NCKAP5: variants seen among roughly 807,000 people sequenced by gnomAD.
NCKAP5 encodes the protein nck-associated protein 5.
Under a neutral mutation model 167.0 loss-of-function variants are expected in NCKAP5, and 92 were observed. The ratio of observed to expected loss-of-function variants is 0.55; its 90% CI spans 0.47 to 0.66. The LOEUF (loss-of-function observed/expected upper bound fraction) is 0.66. NCKAP5 is among the 30% of genes least tolerant of loss of function. NCKAP5 has a pLI of 0.00. For missense variants in NCKAP5, 2,378 were observed against 2,315.0 expected (o/e 1.03, Z -0.56); for synonymous variants, 891 against 877.4 (o/e 1.02, Z -0.27).
intron 8 of NCKAP5, among the ~76,000 whole-genome samples, chr2:132,933,692 G>A (rs1205738325): frequency 6.6e-6 from 1 of 152,174 alleles, no homozygotes; most frequent in African/African-American, 2.4e-5. Context: ...CAAAATGTAT[G>A]AGTTTCTTTT....
chr2:132,998,794 T>A (rs2077688150), intron 6 of NCKAP5, among the ~76,000 whole-genome samples: 1 of 152,182 alleles, frequency 6.6e-6, no homozygotes, highest in African/African-American at 2.4e-5. Flanking sequence ...CTCCCCAATA[T>A]GATTAAGAAA....
At chr2:133,070,813 A>G (rs75252700) in intron 6 of NCKAP5, among the ~76,000 whole-genome samples, 2,730 of 152,298 alleles carry the variant, frequency 0.018, 161 homozygotes, top group East Asian at 0.12. Context: ...TATATACATG[A>G]GATATACATA....
intron 4 of NCKAP5, among the ~76,000 whole-genome samples, chr2:133,273,193 C>T (rs1383078309): frequency 6.6e-6 from 1 of 152,114 alleles, no homozygotes; most frequent in Admixed American, 6.5e-5. Context: ...CTAATGTCTC[C>T]ACAGCCTCTC....
At chr2:133,300,600 A>C (rs1432649468) in intron 4 of NCKAP5, among the ~76,000 whole-genome samples, 1 of 139,524 alleles carries the variant, frequency 7.2e-6, no homozygotes, top group African/African-American at 2.8e-5. Flanking sequence ...AAAAACTCTC[A>C]ATTAATTAGG....
At chr2:133,085,908 A>G (rs1324025237) in intron 6 of NCKAP5, among the ~76,000 whole-genome samples, 1 of 152,200 alleles carries the variant, frequency 6.6e-6, no homozygotes, top group Non-Finnish European at 1.5e-5. Flanking sequence ...AGTCCATTAC[A>G]TTGGTAATAA....
At chr2:133,666,755 T>C in the NCKAP5 span, among the ~76,000 whole-genome samples, 34 of 152,078 alleles carry the variant, frequency 2.2e-4, no homozygotes, top group Middle Eastern at 3.4e-3. Context: ...CATCAATTGG[T>C]AAAATGCTTT....
At chr2:133,014,997 G>T (rs2078281191) in intron 6 of NCKAP5, among the ~76,000 whole-genome samples, 1 of 152,178 alleles carries the variant, frequency 6.6e-6, no homozygotes, top group African/African-American at 2.4e-5. Context: ...AAATTTTGAT[G>T]CGTAGTATTT....
intron 4 of NCKAP5, among the ~76,000 whole-genome samples, chr2:133,272,666 C>A (rs2089565798): frequency 1.3e-5 from 2 of 152,106 alleles, no homozygotes; most frequent in African/African-American, 4.8e-5. Flanking sequence ...CATCACCATC[C>A]CCTTAGAACA....
At chr2:132,880,971 A>AT (rs1425412414) in intron 8 of NCKAP5, among the ~76,000 whole-genome samples, 2 of 152,178 alleles carry the variant, frequency 1.3e-5, no homozygotes, top group Admixed American at 1.3e-4. Context: ...CAATCACAGT[A>AT]TAGTTGTTAA....
chr2:133,414,160 A>G (rs913525839), intron 3 of NCKAP5, among the ~76,000 whole-genome samples: 1 of 152,258 alleles, frequency 6.6e-6, no homozygotes, highest in Non-Finnish European at 1.5e-5. Flanking sequence ...CATAAAATAC[A>G]GTGAGTTCTT....
At chr2:133,435,606 T>C (rs965289392) in intron 3 of NCKAP5, among the ~76,000 whole-genome samples, 3 of 151,834 alleles carry the variant, frequency 2.0e-5, no homozygotes, top group Non-Finnish European at 4.4e-5. Flanking sequence ...AGAGAGTGAG[T>C]GATTAAATGA....
At chr2:133,106,153 A>C (rs12987317) in intron 6 of NCKAP5, among the ~76,000 whole-genome samples, 17,554 of 136,752 alleles carry the variant, frequency 0.13, 1,629 homozygotes, top group East Asian at 0.44. Context: ...ATTAGCCAGG[A>C]GTGGTGGCAG....
intron 4 of NCKAP5, among the ~76,000 whole-genome samples, chr2:133,263,065 A>G (rs956057576): frequency 6.6e-6 from 1 of 152,174 alleles, no homozygotes; most frequent in Non-Finnish European, 1.5e-5. Context: ...TGAAGCTACT[A>G]AAGTCCCTTG....
intron 4 of NCKAP5, among the ~76,000 whole-genome samples, chr2:133,264,643 T>A (rs755329013): frequency 2.0e-5 from 3 of 152,094 alleles, no homozygotes; most frequent in Non-Finnish European, 4.4e-5. Flanking sequence ...GTACGACAAT[T>A]TAAATAATGA....
intron 11 of NCKAP5, among the ~76,000 whole-genome samples, chr2:132,833,379 T>C (rs1475822672): frequency 6.6e-6 from 1 of 151,462 alleles, no homozygotes; most frequent in East Asian, 1.9e-4. Context: ...TTTATATGGT[T>C]TCTTTGTCTA....
chr2:132,818,514 A>G (rs1042741842), intron 11 of NCKAP5, among the ~76,000 whole-genome samples: 12 of 152,150 alleles, frequency 7.9e-5, no homozygotes, highest in Admixed American at 1.3e-4. Flanking sequence ...CATCTCCACC[A>G]AAAACACAAA....
intron 3 of NCKAP5, among the ~76,000 whole-genome samples, chr2:133,511,309 C>T (rs1447502549): frequency 6.6e-6 from 1 of 152,214 alleles, no homozygotes; most frequent in Non-Finnish European, 1.5e-5. Context: ...GGGTGGTGCC[C>T]TCCTGGCCCA....
At chr2:133,250,983 C>T (rs1424304578) in intron 4 of NCKAP5, among the ~76,000 whole-genome samples, 3 of 151,858 alleles carry the variant, frequency 2.0e-5, no homozygotes, top group Non-Finnish European at 2.9e-5. Context: ...ATGCTTTCTT[C>T]TTAAAAGAGA....
intron 16 of NCKAP5, among the ~76,000 whole-genome samples, chr2:132,740,412 A>G (rs982790732): frequency 5.9e-5 from 9 of 152,110 alleles, no homozygotes; most frequent in African/African-American, 1.9e-4. Context: ...AGATCTCTTT[A>G]TTTGCACATC....
Sources: gnomAD v4.1 joint callset for allele counts (sites outside exome capture counted in the v4.1 genomes callset) on GRCh38, gnomAD v4.1.1 for gene constraint, MANE v1.5 for transcripts, NCBI Gene and HGNC (gene_info 2026-07-23, HGNC 2026-07-21) for gene names.